Variants in SLIT3 observed in about 807,000 individuals in gnomAD.
SLIT3 encodes slit homolog 3 protein.
Under a neutral mutation model 184.0 loss-of-function variants are expected in SLIT3, and 68 were observed. That is an observed-to-expected ratio of 0.37 (90% confidence interval 0.30 to 0.45). The LOEUF (loss-of-function observed/expected upper bound fraction) is 0.45, where lower values mean the gene tolerates loss of function less well. Among genes scored for constraint, SLIT3 ranks in the 20% least tolerant of loss-of-function variants. The pLI is 1.00. For synonymous variants in SLIT3, 831 were observed against 828.6 expected (o/e 1.00, Z -0.05); for missense variants, 1,707 against 2,026.0 (o/e 0.84, Z 3.02).
At chr5:169,090,596 C>T (rs1759541548) in intron 4 of SLIT3, among the ~76,000 whole-genome samples, 1 of 152,218 alleles carries the variant, frequency 6.6e-6, no homozygotes, top group Non-Finnish European at 1.5e-5. Flanking sequence ...AATCCCTCAA[C>T]CCTCTGAATA....
rs139088824 is a variant in SLIT3, at chr5:168,685,863, C to G, written c.3379G>C (p.Glu1127Gln). 6.2e-7 allele frequency: 1 copy of G among 1,613,792 alleles called. No individual in the cohort carries two copies. The change falls in exon 31 of 36, where the codon GAG becomes CAG. Residue 1127 changes from glutamate (E) to glutamine (Q), a missense_variant. Transcript: ENST00000519560. ...ATGCACTGGGCCCCGTTCTGGCACT[C>G]GTACTGGTCGCATGGGCTGGTCTGC... ...LLQTSPCDQY[E>Q]CQNGAQCIVV... is the part of the protein sequence containing the mutation.
At chr5:168,687,676 T>C (rs1180202558) in intron 29 of SLIT3, among the ~76,000 whole-genome samples, 1 of 152,230 alleles carries the variant, frequency 6.6e-6, no homozygotes, top group Admixed American at 6.5e-5. Context: ...TTAAATGCAA[T>C]TGATAAATAA....
chr5:169,231,822 C>T (rs532618424), intron 3 of SLIT3, among the ~76,000 whole-genome samples: 61 of 152,334 alleles, frequency 4.0e-4, no homozygotes, highest in African/African-American at 1.4e-3. Context: ...CACCTCATCA[C>T]CAACACTTGA....
intron 4 of SLIT3, among the ~76,000 whole-genome samples, chr5:169,064,279 T>A (rs4868225): frequency 0.78 from 119,161 of 152,156 alleles, 46,732 homozygotes; most frequent in East Asian, 0.85. Flanking sequence ...CTGCTTGAAG[T>A]ATTCTTGGCT....
At chr5:168,795,685 C>A in intron 9 of SLIT3, 107 bp from the exon 10 acceptor site, 1 of 869,858 alleles carries the variant, frequency 1.1e-6, no homozygotes. Context: ...TCTTTTTTGT[C>A]ACAGGTGCAC....
intron 4 of SLIT3, among the ~76,000 whole-genome samples, chr5:169,113,604 C>A (rs909301396): frequency 2.0e-5 from 3 of 151,948 alleles, no homozygotes; most frequent in African/African-American, 7.2e-5. Context: ...CCTACCATGA[C>A]CCTCACTGAT....
chr5:168,836,815 G>C (rs1325868528), intron 6 of SLIT3, among the ~76,000 whole-genome samples: 3 of 152,194 alleles, frequency 2.0e-5, no homozygotes, highest in East Asian at 1.9e-4. Context: ...CTTAACCCAG[G>C]AATGTACACC....
At chr5:168,804,674 G>C (rs1005160071) in intron 9 of SLIT3, among the ~76,000 whole-genome samples, 7 of 152,224 alleles carry the variant, frequency 4.6e-5, no homozygotes, top group African/African-American at 1.7e-4. Flanking sequence ...AGGGTGCGGA[G>C]GCATGGGTTG....
chr5:169,221,447 G>C (rs182615854), intron 3 of SLIT3, among the ~76,000 whole-genome samples: 2 of 152,312 alleles, frequency 1.3e-5, no homozygotes, highest in Non-Finnish European at 2.9e-5. Flanking sequence ...AGAACATAAA[G>C]ACCACTTAAC....
chr5:168,983,471 G>T (rs1422146590), intron 4 of SLIT3, among the ~76,000 whole-genome samples: 1 of 152,200 alleles, frequency 6.6e-6, no homozygotes, highest in Non-Finnish European at 1.5e-5. Flanking sequence ...GTGGGACTTT[G>T]ATGTCTGGTT....
At chr5:168,773,065 C>T (rs1755615284) in intron 13 of SLIT3, 121 bp from the exon 14 acceptor site, 3 of 1,014,964 alleles carry the variant, frequency 3.0e-6, no homozygotes, top group Non-Finnish European at 4.2e-6. Flanking sequence ...TGCCTCATCG[C>T]CCCAGGAAGC....
At chr5:169,117,732 C>A (rs183554404) in intron 4 of SLIT3, among the ~76,000 whole-genome samples, 19 of 152,282 alleles carry the variant, frequency 1.2e-4, no homozygotes, top group African/African-American at 4.6e-4. Flanking sequence ...CTATTCCCTG[C>A]GACCCAAAGG....
intron 4 of SLIT3, among the ~76,000 whole-genome samples, chr5:169,076,501 C>T (rs758997005): frequency 9.2e-5 from 14 of 152,190 alleles, no homozygotes; most frequent in Non-Finnish European, 1.6e-4. Flanking sequence ...CTCCTTTCCC[C>T]CTTCTCCCTA....
intron 5 of SLIT3, among the ~76,000 whole-genome samples, chr5:168,865,245 G>C (rs919809892): frequency 6.6e-6 from 1 of 151,290 alleles, no homozygotes; most frequent in Non-Finnish European, 1.5e-5. Context: ...ATTTACGTGA[G>C]GGAAATGAAA....
intron 4 of SLIT3, among the ~76,000 whole-genome samples, chr5:169,186,546 G>C (rs1029313096): frequency 6.6e-6 from 1 of 152,190 alleles, no homozygotes; most frequent in Non-Finnish European, 1.5e-5. Context: ...ACTGAAAAAG[G>C]TGAGGTCACT....
chr5:169,085,900 C>T (rs1304954250), intron 4 of SLIT3, among the ~76,000 whole-genome samples: 1 of 152,136 alleles, frequency 6.6e-6, no homozygotes, highest in Non-Finnish European at 1.5e-5. Context: ...GCTGGTCCAA[C>T]GTTGGTGTCT....
At chr5:169,292,380 T>A (rs749409426) in intron 1 of SLIT3, among the ~76,000 whole-genome samples, 3 of 152,162 alleles carry the variant, frequency 2.0e-5, no homozygotes, top group Admixed American at 6.5e-5. Flanking sequence ...GAAAGTTCCA[T>A]GAGAAACCAA....
At chr5:168,816,611 T>C (rs540596876) in intron 8 of SLIT3, among the ~76,000 whole-genome samples, 43 of 152,328 alleles carry the variant, frequency 2.8e-4, no homozygotes, top group African/African-American at 8.7e-4. Context: ...CTGTGCCACA[T>C]AGGCAATCTG....
chr5:168,773,058 C>T (rs1187862075), intron 13 of SLIT3, 114 bp from the exon 14 acceptor site: 6 of 1,103,722 alleles, frequency 5.4e-6, no homozygotes, highest in East Asian at 2.5e-5. Context: ...GGCCTCCTGC[C>T]TCATCGCCCC....
Sources: allele counts gnomAD v4.1 joint callset (sites outside exome capture counted in the v4.1 genomes callset), GRCh38; gene constraint gnomAD v4.1.1; transcripts MANE v1.5; gene names NCBI Gene and HGNC (gene_info 2026-07-23, HGNC 2026-07-21).